C11orf65: variants seen among roughly 807,000 people sequenced by gnomAD.
C11orf65 encodes chromosome 11 open reading frame 65.
Under a neutral mutation model 35.3 loss-of-function variants are expected in C11orf65, and 38 were observed. The observed-to-expected ratio is 1.08, with a 90% CI of 0.83 to 1.41. The LOEUF (loss-of-function observed/expected upper bound fraction) is 1.41, where lower values mean the gene tolerates loss of function less well. Among genes scored for constraint, C11orf65 ranks in the 40% most tolerant of loss-of-function variants. The pLI, the probability that C11orf65 is intolerant of heterozygous loss-of-function variation, is 0.00. For synonymous variants in C11orf65, 105 were observed against 114.4 expected (o/e 0.92, Z 0.53); for missense variants, 370 against 367.1 (o/e 1.01, Z -0.06).
intron 6 of C11orf65, 71 bp from the exon 7 acceptor site, chr11:108,393,449 A>G (rs2092218767): frequency 7.3e-7 from 1 of 1,371,628 alleles, no homozygotes; most frequent in Middle Eastern, 1.8e-4. Flanking sequence ...CAGGCAATAT[A>G]TATTGTTGCT....
intron 6 of C11orf65, among the ~76,000 whole-genome samples, chr11:108,403,524 T>G (rs1203080936): frequency 6.6e-6 from 1 of 150,740 alleles, no homozygotes; most frequent in African/African-American, 2.4e-5. Context: ...AAAGTAAAAT[T>G]TAAAATTGTT....
At chr11:108,446,511 A>G (rs1281293957) in intron 2 of C11orf65, among the ~76,000 whole-genome samples, 1 of 151,746 alleles carries the variant, frequency 6.6e-6, no homozygotes, top group East Asian at 1.9e-4. Flanking sequence ...TTCAACCCAG[A>G]ATTTCATATC....
chr11:108,341,926 G>A (rs1269206352), intron 2 of C11orf65, among the ~76,000 whole-genome samples: 7 of 152,120 alleles, frequency 4.6e-5, no homozygotes, highest in Non-Finnish European at 7.4e-5. Flanking sequence ...CTGGTTAACC[G>A]AGGTGAAGAT....
chr11:108,406,800 C>T lies in C11orf65; in HGVS notation c.392G>A (p.Arg131His), dbSNP rs373726941. Residue 131 changes from arginine (R) to histidine (H), a missense_variant, in exon 5 of 9, where the codon CGT becomes CAT. Transcript: ENST00000393084. ...TGGCCTCCAGCCATTGTTTTCTATA[C>T]GATGATACCAGCCACTATGATCCTC... ...QEEDHSGWYH[R>H]IENNGWRPVS... 1.4e-5 allele frequency: 23 copies of T among 1,611,470 alleles called. No homozygotes were observed. In the Admixed American group the frequency reaches 2.2e-4, roughly 15 times the overall value.
At chr11:108,315,160 G>C (rs180987555) in intron 6 of C11orf65, among the ~76,000 whole-genome samples, 1 of 152,318 alleles carries the variant, frequency 6.6e-6, no homozygotes, top group African/African-American at 2.4e-5. Context: ...AACTGCTCAT[G>C]TGGAAATTAT....
intron 2 of C11orf65, among the ~76,000 whole-genome samples, chr11:108,358,354 A>G (rs1294051615): frequency 6.9e-6 from 1 of 144,946 alleles, no homozygotes; most frequent in Admixed American, 6.9e-5. Context: ...GAATGGAACC[A>G]AGTTGGAAAA....
chr11:108,376,753 GGA>G (rs1405495234), intron 2 of C11orf65, among the ~76,000 whole-genome samples: 1 of 151,940 alleles, frequency 6.6e-6, no homozygotes, highest in Non-Finnish European at 1.5e-5. Flanking sequence ...AAAGAAAAAA[GGA>G]GAGAAGAATC....
intron 2 of C11orf65, among the ~76,000 whole-genome samples, chr11:108,456,928 T>C (rs1419113663): frequency 6.6e-6 from 1 of 152,138 alleles, no homozygotes; most frequent in Admixed American, 6.6e-5. Context: ...ACACATATAG[T>C]ATTTAACAAA....
chr11:108,397,725 C>A (rs999860966), intron 6 of C11orf65, among the ~76,000 whole-genome samples: 5 of 152,160 alleles, frequency 3.3e-5, no homozygotes, highest in African/African-American at 1.2e-4. Context: ...ATTTCTCATT[C>A]ACCCCCTGCA....
At chr11:108,310,867 T>C (rs528905898) in intron 6 of C11orf65, among the ~76,000 whole-genome samples, 1 of 152,216 alleles carries the variant, frequency 6.6e-6, no homozygotes, top group East Asian at 1.9e-4. Context: ...GTCATAAGAA[T>C]CTAATAAATA....
chr11:108,315,630 G>T (rs1378271196), intron 6 of C11orf65, among the ~76,000 whole-genome samples: 1 of 152,004 alleles, frequency 6.6e-6, no homozygotes, highest in African/African-American at 2.4e-5. Context: ...CATATAAGTT[G>T]TCCTGCACAG....
chr11:108,319,540 G>A (rs1035687230), intron 6 of C11orf65, among the ~76,000 whole-genome samples: 17 of 152,086 alleles, frequency 1.1e-4, no homozygotes, highest in Admixed American at 2.0e-4. Context: ...ATTTTGTTTT[G>A]TTACCCTGTT....
chr11:108,377,336 C>G (rs145855791), intron 2 of C11orf65, among the ~76,000 whole-genome samples: 3,381 of 152,290 alleles, frequency 0.022, 94 homozygotes, highest in African/African-American at 0.07. Context: ...GTACGCAAAT[C>G]AATAAATGTA....
chr11:108,334,341 T>C (rs552818021), intron 3 of C11orf65, among the ~76,000 whole-genome samples: 80 of 152,314 alleles, frequency 5.3e-4, no homozygotes, highest in Non-Finnish European at 9.1e-4. Context: ...GTAAAATGTA[T>C]TGGCTGTGAT....
rs542281446 is a variant in C11orf65, at chr11:108,355,294, G to C, written c.227-20002C>G. ...CAAATTGTCAGCATCATTACTAGAG[G>C]AACATGGCTTAGGAATGAGGGCCAG... is the stretch of plus-strand genomic sequence containing the variant. On this transcript the variant is annotated intron_variant, in intron 2 of 3. Transcript: ENST00000524755. 32 of 230,622 alleles carry C rather than the reference G, an allele frequency of 1.4e-4. 1 individual carries two copies. The South Asian group carries it at 1.9e-3, about 14-fold the overall frequency. 14.3% of individuals were successfully genotyped at this position (230,622 alleles called of 1,614,324 possible).
At chr11:108,374,599 C>T (rs147021546) in intron 2 of C11orf65, among the ~76,000 whole-genome samples, 16,236 of 152,194 alleles carry the variant, frequency 0.11, 1,220 homozygotes, top group Non-Finnish European at 0.15. Flanking sequence ...TCCAAAGGAA[C>T]GCAGTTCCTT....
chr11:108,347,407 T>C (rs763803571), intron 2 of C11orf65: 1 of 1,461,042 alleles, frequency 6.8e-7, no homozygotes, highest in South Asian at 1.1e-5. Flanking sequence ...TTAGTAAATA[T>C]TTGGTCATCA....
At chr11:108,440,005 T>C (rs2135500804) in intron 2 of C11orf65, among the ~76,000 whole-genome samples, 1 of 152,324 alleles carries the variant, frequency 6.6e-6, no homozygotes, top group Non-Finnish European at 1.5e-5. Context: ...GAACACTGGC[T>C]GTTTAAAACA....
downstream of C11orf65, among the ~76,000 whole-genome samples, chr11:108,329,905 C>A (rs978988491): frequency 6.6e-6 from 1 of 152,132 alleles, no homozygotes; most frequent in Admixed American, 6.5e-5. Context: ...ACAAAAGTTA[C>A]CTATTTTGAT....
Sources: allele counts gnomAD v4.1 joint callset (sites outside exome capture counted in the v4.1 genomes callset), GRCh38; gene constraint gnomAD v4.1.1; transcripts MANE v1.5; gene names NCBI Gene and HGNC (gene_info 2026-07-23, HGNC 2026-07-21).